The following GRK3 variants were observed in gnomAD, a reference collection of about 807,000 sequenced individuals.
GRK3 encodes G protein-coupled receptor kinase 3, also known as adrenergic, beta, receptor kinase 2.
GRK3 carries 54 observed loss-of-function variants against 95.7 expected under a neutral mutation model. That is an observed-to-expected ratio of 0.56 (90% CI 0.45 to 0.71). The LOEUF is 0.71. Among genes scored for constraint, GRK3 ranks in the 30% least tolerant of loss-of-function variants. The pLI is 0.00. For synonymous variants in GRK3, 281 were observed against 290.8 expected, an observed-to-expected ratio of 0.97 and a Z score of 0.34; for missense variants, 649 against 851.2, an observed-to-expected ratio of 0.76 and a Z score of 2.96.
intron 13 of GRK3, among the ~76,000 whole-genome samples, chr22:25,697,089 T>C (rs538778149): frequency 3.0e-4 from 46 of 152,244 alleles, no homozygotes; most frequent in African/African-American, 1.1e-3. Context: ...AATTTGGAGA[T>C]GATAAAAAGA....
chr22:25,609,454 C>T (rs2084478825), intron 2 of GRK3, among the ~76,000 whole-genome samples: 1 of 152,086 alleles, frequency 6.6e-6, no homozygotes, highest in Non-Finnish European at 1.5e-5. Context: ...GCCTCAGCCT[C>T]CCAAGTAGCT....
At chr22:25,714,149 A>G (rs955204327) in intron 17 of GRK3, among the ~76,000 whole-genome samples, 12 of 152,230 alleles carry the variant, frequency 7.9e-5, no homozygotes, top group Admixed American at 2.6e-4. Context: ...TGAAGATAGT[A>G]TACAAGATTG....
chr22:25,641,587 G>A (rs1456827827), intron 2 of GRK3, among the ~76,000 whole-genome samples: 1 of 152,196 alleles, frequency 6.6e-6, no homozygotes, highest in Non-Finnish European at 1.5e-5. Context: ...GTGTGTGTGT[G>A]AATGGATGCG....
At chr22:25,667,698 C>A in intron 5 of GRK3, 41 bp from the exon 6 acceptor site, 2 of 1,443,746 alleles carry the variant, frequency 1.4e-6, no homozygotes, top group Non-Finnish European at 1.9e-6. Context: ...TTGATACATT[C>A]CGATTCATTC....
intron 2 of GRK3, among the ~76,000 whole-genome samples, chr22:25,614,359 C>G (rs2084522113): frequency 6.6e-6 from 1 of 152,182 alleles, no homozygotes; most frequent in Admixed American, 6.5e-5. Context: ...ATCTTGGACT[C>G]CTGGGCTCAA....
At chr22:25,583,340 T>C (rs1373960986) in intron 1 of GRK3, among the ~76,000 whole-genome samples, 1 of 150,662 alleles carries the variant, frequency 6.6e-6, no homozygotes, top group African/African-American at 2.5e-5. Context: ...ATTTGTGGCC[T>C]GGCGTTTTTC....
chr22:25,619,174 T>G (rs1161750539), intron 2 of GRK3, among the ~76,000 whole-genome samples: 1 of 152,192 alleles, frequency 6.6e-6, no homozygotes, highest in Non-Finnish European at 1.5e-5. Context: ...AACATGATGG[T>G]TGGCTTCCAG....
intron 9 of GRK3, among the ~76,000 whole-genome samples, chr22:25,683,364 A>G (rs1271110983): frequency 6.6e-6 from 1 of 152,218 alleles, no homozygotes; most frequent in African/African-American, 2.4e-5. Flanking sequence ...GCACATAAGT[A>G]CAGATTGCTA....
At chr22:25,703,260 G>C (rs1187081298) in intron 13 of GRK3, among the ~76,000 whole-genome samples, 1 of 152,148 alleles carries the variant, frequency 6.6e-6, no homozygotes, top group African/African-American at 2.4e-5. Context: ...TTGGAACAGC[G>C]TATTTTAGGG....
intron 13 of GRK3, chr22:25,702,756 ATT>A: frequency 2.2e-6 from 1 of 455,414 alleles, no homozygotes; most frequent in Non-Finnish European, 4.4e-6. Context: ...GTGTACTGCC[ATT>A]GTCTTGGCTA....
At chr22:25,586,775 T>C (rs1040554015) in intron 1 of GRK3, among the ~76,000 whole-genome samples, 9 of 152,192 alleles carry the variant, frequency 5.9e-5, no homozygotes, top group African/African-American at 1.9e-4. Context: ...AATGAAAAAA[T>C]CAAGTGTGGC....
chr22:25,628,418 A>G (rs1207365716), intron 2 of GRK3, among the ~76,000 whole-genome samples: 1 of 152,246 alleles, frequency 6.6e-6, no homozygotes, highest in African/African-American at 2.4e-5. Context: ...TTATTGCAGC[A>G]GTTTTGTAAA....
chr22:25,620,456 C>T (rs914035520), intron 2 of GRK3, among the ~76,000 whole-genome samples: 1 of 152,078 alleles, frequency 6.6e-6, no homozygotes, highest in South Asian at 2.1e-4. Context: ...TTCTAATTGC[C>T]TGCATTTGCA....
chr22:25,702,987 G>A, intron 13 of GRK3: 1 of 418,900 alleles, frequency 2.4e-6, no homozygotes, highest in Non-Finnish European at 4.8e-6. Flanking sequence ...ATCTGCTGGT[G>A]CACGGTTAGT....
chr22:25,715,246 G>T lies in GRK3; in HGVS notation c.1654+676G>T, dbSNP rs557854213. The T allele has an allele frequency of 2.6e-5, 4 of 152,416 alleles. No homozygotes were observed. The East Asian group carries it at 7.7e-4, about 29-fold the overall frequency. 9.4% of individuals were successfully genotyped at this position (152,416 alleles called of 1,614,324 possible). On this transcript the variant is annotated intron_variant, in intron 18 of 20. Transcript: ENST00000324198. Reference sequence around the variant, plus strand: ...TTGCCAAATCAGGCCAGGTGCAGTGGCTCATGTCTGTAATCCCAGCACCTC... The same window carrying T: ...TTGCCAAATCAGGCCAGGTGCAGTGTCTCATGTCTGTAATCCCAGCACCTC...
In GRK3 at chr22:25,718,268, A is replaced by G. The variant is rs762933499; in HGVS notation, c.1678A>G (p.Ile560Val). ...AGATTACGCTCTGGGGAAGGACTGT[A>G]TTATGCACGGGTACATGCTGAAACT... ...EEDYALGKDCIMHGYMLKLGN... is the reference protein window; with the variant it reads ...EEDYALGKDCVMHGYMLKLGN... Residue 560 changes from isoleucine to valine, a missense_variant, in exon 19 of 21, where the codon ATT becomes GTT. Physicochemically the swap from Ile to Val is conservative, Grantham distance 29 (BLOSUM62 3). Around this residue, in one of 3 missense-constraint regions of GRK3, gnomAD observed 382 missense variants for 493.8 expected, o/e 0.77. Transcript: ENST00000324198. The G allele has an allele frequency of 6.2e-7, 1 of 1,614,146 alleles. No homozygotes were observed. Among genetic ancestry groups the G allele is most frequent in the African/African-American group, 1.3e-5 (1 of 75,044 alleles).
At chr22:25,581,495 T>A (rs1932098717) in intron 1 of GRK3, 1 of 152,218 alleles carries the variant, frequency 6.6e-6, no homozygotes, top group African/African-American at 2.4e-5. Flanking sequence ...GAAACTGCAT[T>A]AGATGACTCA....
intron 1 of GRK3, among the ~76,000 whole-genome samples, chr22:25,594,722 C>CA (rs1312301969): frequency 6.6e-6 from 1 of 151,862 alleles, no homozygotes; most frequent in Admixed American, 6.6e-5. Flanking sequence ...ACTGAAAATA[C>CA]AAAAAATTAG....
At chr22:25,681,487 AG>A (rs1467821187) in intron 9 of GRK3, among the ~76,000 whole-genome samples, 1 of 150,422 alleles carries the variant, frequency 6.6e-6, no homozygotes, top group Non-Finnish European at 1.5e-5. Flanking sequence ...ATGAGGGGCC[AG>A]GGTCTGCGGT....
Sources: allele counts gnomAD v4.1 joint callset (sites outside exome capture counted in the v4.1 genomes callset), GRCh38; gene constraint gnomAD v4.1.1; regional missense constraint gnomAD v4.1.1; transcripts MANE v1.5; gene names NCBI Gene and HGNC (gene_info 2026-07-23, HGNC 2026-07-21).